NELL1: variants seen among roughly 807,000 people sequenced by gnomAD.
NELL1 encodes protein kinase C-binding protein NELL1.
In NELL1, 76 loss-of-function variants were observed where a neutral mutation model predicts 107.4. That is an observed-to-expected ratio of 0.71 (90% CI 0.59 to 0.86). The LOEUF (loss-of-function observed/expected upper bound fraction) is 0.86. NELL1 is among the 40% of genes least tolerant of loss of function. The pLI is 0.00. For synonymous variants in NELL1, 353 were observed against 341.2 expected, an observed-to-expected ratio of 1.03 and a Z score of -0.38; for missense variants, 1,024 against 1,005.5, an observed-to-expected ratio of 1.02 and a Z score of -0.25.
intron 15 of NELL1, among the ~76,000 whole-genome samples, chr11:21,454,013 G>T: frequency 6.8e-6 from 1 of 147,732 alleles, no homozygotes; most frequent in Non-Finnish European, 1.5e-5. Flanking sequence ...GTGCCATGCT[G>T]GTGCGCTGCA....
chr11:21,305,302 G>A (rs1022605458), intron 14 of NELL1, among the ~76,000 whole-genome samples: 9 of 151,928 alleles, frequency 5.9e-5, no homozygotes, highest in Non-Finnish European at 8.8e-5. Context: ...AGATGTGTTC[G>A]TCCTTATTTA....
intron 14 of NELL1, among the ~76,000 whole-genome samples, chr11:21,343,858 C>G (rs1031339307): frequency 1.3e-5 from 2 of 152,158 alleles, no homozygotes; most frequent in African/African-American, 4.8e-5. Context: ...TAGCACCTAG[C>G]TCAGTGTCTG....
intron 12 of NELL1, among the ~76,000 whole-genome samples, chr11:21,079,875 C>T (rs1484531963): frequency 6.6e-6 from 1 of 151,952 alleles, no homozygotes; most frequent in African/African-American, 2.4e-5. Context: ...GCTATGAATG[C>T]CACTTACAGT....
chr11:20,913,758 A>G (rs1465603), intron 5 of NELL1, among the ~76,000 whole-genome samples: 146,062 of 151,270 alleles, frequency 0.97, 70,531 homozygotes, highest in East Asian at 1. Context: ...GATTTATTTA[A>G]GGCCTCAGAT....
At chr11:21,335,476 G>C (rs1850369708) in intron 14 of NELL1, among the ~76,000 whole-genome samples, 1 of 152,018 alleles carries the variant, frequency 6.6e-6, no homozygotes, top group South Asian at 2.1e-4. Flanking sequence ...ATAATCGTGT[G>C]GCTCAAGCCA....
chr11:20,699,551 A>T lies in NELL1; in HGVS notation c.184+21491A>T, dbSNP rs182221330. Among the ~76,000 whole-genome samples, 1,209 of 151,918 alleles carry T rather than the reference A, an allele frequency of 8.0e-3. 14 individuals are homozygous for T. The highest frequency in any genetic ancestry group is 0.028 in the African/African-American group (1,150 of 41,414). ...AATTTGTGTATTTTAGTAGAGATGG[A>T]GTTTCACCATATTGGCCAGGCTGAT... On this transcript the variant is annotated intron_variant, in intron 2 of 19. Coordinates refer to ENST00000357134, the MANE Select transcript of NELL1 (RefSeq NM_006157.5).
chr11:20,894,758 ATACTC>A (rs1339774163), intron 5 of NELL1, among the ~76,000 whole-genome samples: 1 of 152,180 alleles, frequency 6.6e-6, no homozygotes, highest in African/African-American at 2.4e-5. Flanking sequence ...CCAAGAAAGA[ATACTC>A]TAGGTACCTA....
chr11:20,740,717 A>G (rs1855870828), intron 2 of NELL1, among the ~76,000 whole-genome samples: 1 of 151,964 alleles, frequency 6.6e-6, no homozygotes, highest in South Asian at 2.1e-4. Context: ...TTTTTCTAGT[A>G]CCTCCTTGGT....
intron 12 of NELL1, among the ~76,000 whole-genome samples, chr11:21,105,402 G>A (rs73462585): frequency 0.085 from 12,989 of 152,084 alleles, 760 homozygotes; most frequent in African/African-American, 0.17. Flanking sequence ...TGGTGTTTAC[G>A]TCACACTCAA....
chr11:21,379,979 CAG>C (rs1198390941), intron 15 of NELL1, among the ~76,000 whole-genome samples: 1 of 152,068 alleles, frequency 6.6e-6, no homozygotes, highest in Non-Finnish European at 1.5e-5. Context: ...CCTCCCATAA[CAG>C]AGAATACAAT....
chr11:20,977,123 G>A (rs1851653292), intron 12 of NELL1, among the ~76,000 whole-genome samples: 1 of 151,862 alleles, frequency 6.6e-6, no homozygotes, highest in Admixed American at 6.6e-5. Context: ...TTTATGAAGT[G>A]CTTTAATATA....
At chr11:21,142,156 C>A (rs1347645648) in intron 13 of NELL1, among the ~76,000 whole-genome samples, 3 of 152,206 alleles carry the variant, frequency 2.0e-5, no homozygotes, top group Admixed American at 6.5e-5. Flanking sequence ...TCAGACCTGT[C>A]TCTTCCATCC....
At chr11:20,703,796 C>A (rs2133885036) in intron 2 of NELL1, among the ~76,000 whole-genome samples, 1 of 152,316 alleles carries the variant, frequency 6.6e-6, no homozygotes, top group Admixed American at 6.5e-5. Context: ...TGTTCAGTTT[C>A]CATGTAGTTG....
At chr11:20,877,769 A>G (rs1252887054) in intron 4 of NELL1, among the ~76,000 whole-genome samples, 2 of 152,196 alleles carry the variant, frequency 1.3e-5, no homozygotes, top group African/African-American at 4.8e-5. Context: ...ACATGGTATT[A>G]TATTAGAAAT....
intron 15 of NELL1, among the ~76,000 whole-genome samples, chr11:21,509,794 C>A (rs1855387861): frequency 6.6e-6 from 1 of 152,024 alleles, no homozygotes; most frequent in South Asian, 2.1e-4. Context: ...GATATTGTTG[C>A]CTATATTATA....
At chr11:20,713,522 C>G (rs1855164488) in intron 2 of NELL1, among the ~76,000 whole-genome samples, 1 of 152,104 alleles carries the variant, frequency 6.6e-6, no homozygotes, top group Non-Finnish European at 1.5e-5. Flanking sequence ...CTGCAGTGCC[C>G]CCTGTTCAGA....
intron 14 of NELL1, among the ~76,000 whole-genome samples, chr11:21,289,226 GGCCCAATAAAAACA>G (rs1420352666): frequency 1.3e-5 from 2 of 152,182 alleles, no homozygotes; most frequent in Non-Finnish European, 2.9e-5. Context: ...TGGGCAAGAT[GGCCCAATAAAAACA>G]GCTCCAGTGT....
At chr11:20,973,600 C>A (rs1851545727) in intron 12 of NELL1, among the ~76,000 whole-genome samples, 1 of 152,148 alleles carries the variant, frequency 6.6e-6, no homozygotes, top group Non-Finnish European at 1.5e-5. Flanking sequence ...GGATTCTTCC[C>A]ACTGACATTT....
At chr11:20,915,717 A>ATATATATATATATTTTTTT in intron 5 of NELL1, among the ~76,000 whole-genome samples, 42 of 58,210 alleles carry the variant, frequency 7.2e-4, no homozygotes, top group Non-Finnish European at 8.5e-4. Flanking sequence ...ATATATATAT[A>ATATATATATATATTTTTTT]TTTTTTTTTT....
Sources: allele counts gnomAD v4.1 joint callset (sites outside exome capture counted in the v4.1 genomes callset), GRCh38; gene constraint gnomAD v4.1.1; transcripts MANE v1.5; gene names NCBI Gene and HGNC (gene_info 2026-07-23, HGNC 2026-07-21).